Variants in MDGA2 observed in about 807,000 individuals in gnomAD.
MDGA2 encodes the protein MAM domain-containing glycosylphosphatidylinositol anchor protein 2.
In MDGA2, 40 loss-of-function variants were observed where a neutral mutation model predicts 117.8. The observed-to-expected ratio is 0.34, with a 90% confidence interval of 0.26 to 0.44. The LOEUF (loss-of-function observed/expected upper bound fraction) is 0.44, where lower values mean the gene tolerates loss of function less well. Among genes scored for constraint, MDGA2 ranks in the 20% least tolerant of loss-of-function variants. The pLI is 1.00. For synonymous variants in MDGA2, 452 were observed against 439.0 expected, an observed-to-expected ratio of 1.03 and a Z score of -0.37; for missense variants, 1,123 against 1,250.6, an observed-to-expected ratio of 0.90 and a Z score of 1.54.
At chr14:47,264,645 AT>A (rs1272327926) in intron 2 of MDGA2, among the ~76,000 whole-genome samples, 1 of 151,572 alleles carries the variant, frequency 6.6e-6, no homozygotes, top group African/African-American at 2.4e-5. Context: ...AATATTTGTG[AT>A]TTTTTTCTTT....
At chr14:47,578,263 G>A (rs1411258589) in intron 1 of MDGA2, among the ~76,000 whole-genome samples, 2 of 151,986 alleles carry the variant, frequency 1.3e-5, no homozygotes, top group South Asian at 2.1e-4. Context: ...GGGGGTGGGG[G>A]TGAGGGGAAG....
intron 14 of MDGA2, among the ~76,000 whole-genome samples, chr14:46,864,354 A>T (rs537945059): frequency 6.7e-6 from 1 of 150,310 alleles, no homozygotes; most frequent in Non-Finnish European, 1.5e-5. Flanking sequence ...AGTCAATCTA[A>T]TACTTCAAAC....
chr14:46,897,426 T>C (rs1287184735), intron 10 of MDGA2, among the ~76,000 whole-genome samples: 8 of 152,254 alleles, frequency 5.3e-5, no homozygotes, highest in Non-Finnish European at 1.0e-4. Context: ...ATTTGATATT[T>C]TGAATGGCAA....
intron 6 of MDGA2, among the ~76,000 whole-genome samples, chr14:47,065,102 G>C (rs1488858230): frequency 1.3e-5 from 2 of 152,096 alleles, no homozygotes; most frequent in Non-Finnish European, 1.5e-5. Flanking sequence ...AACCTTAAAA[G>C]GTACTTGTTT....
intron 1 of MDGA2, among the ~76,000 whole-genome samples, chr14:47,337,304 A>G (rs1890489721): frequency 6.6e-6 from 1 of 152,094 alleles, no homozygotes; most frequent in Admixed American, 6.6e-5. Flanking sequence ...GTAACAGCAC[A>G]GCTGCAAGAG....
intron 6 of MDGA2, among the ~76,000 whole-genome samples, chr14:47,068,415 A>T (rs867309888): frequency 0.044 from 6,337 of 144,530 alleles, 415 homozygotes; most frequent in African/African-American, 0.15. Context: ...TAAGAAAAAA[A>T]AAATATATAT....
At chr14:46,920,736 G>A (rs946366235) in intron 9 of MDGA2, among the ~76,000 whole-genome samples, 1 of 152,034 alleles carries the variant, frequency 6.6e-6, no homozygotes, top group African/African-American at 2.4e-5. Context: ...CTAAATTTGG[G>A]GAAAACTAAA....
At chr14:47,240,692 A>C (rs1446507233) in intron 2 of MDGA2, among the ~76,000 whole-genome samples, 5 of 151,934 alleles carry the variant, frequency 3.3e-5, no homozygotes, top group Non-Finnish European at 5.9e-5. Context: ...TGCATGTCTT[A>C]GAATATTGCA....
intron 1 of MDGA2, among the ~76,000 whole-genome samples, chr14:47,567,304 T>C (rs1171029527): frequency 6.6e-6 from 1 of 152,206 alleles, no homozygotes; most frequent in Non-Finnish European, 1.5e-5. Context: ...TGACAAAAAG[T>C]ATCTGTAATG....
chr14:47,151,144 T>G (rs1209786234), intron 3 of MDGA2, among the ~76,000 whole-genome samples: 4 of 152,080 alleles, frequency 2.6e-5, no homozygotes, highest in African/African-American at 9.7e-5. Context: ...AATCAACTCA[T>G]GTAGTAGTGT....
intron 1 of MDGA2, among the ~76,000 whole-genome samples, chr14:47,464,276 T>C (rs4900767): frequency 0.32 from 48,101 of 151,748 alleles, 8,109 homozygotes; most frequent in East Asian, 0.58. Flanking sequence ...AAATTCTCTT[T>C]CTCACAAGTA....
intron 1 of MDGA2, among the ~76,000 whole-genome samples, chr14:47,620,921 C>G (rs1223350850): frequency 6.6e-6 from 1 of 152,162 alleles, no homozygotes; most frequent in Non-Finnish European, 1.5e-5. Flanking sequence ...TATTTGTCAC[C>G]TGAAGTCCAA....
At chr14:47,521,249 GA>G (rs1894861178) in intron 1 of MDGA2, among the ~76,000 whole-genome samples, 1 of 152,102 alleles carries the variant, frequency 6.6e-6, no homozygotes, top group South Asian at 2.1e-4. Context: ...GGATGTGGGG[GA>G]TCAGTTTTTA....
At chr14:47,487,469 A>G (rs1894084512) in intron 1 of MDGA2, among the ~76,000 whole-genome samples, 1 of 152,244 alleles carries the variant, frequency 6.6e-6, no homozygotes, top group South Asian at 2.1e-4. Context: ...GTTGAATGAA[A>G]TAAAGTGAAA....
intron 5 of MDGA2, among the ~76,000 whole-genome samples, chr14:47,115,467 T>C (rs1881276997): frequency 1.3e-5 from 2 of 152,120 alleles, no homozygotes; most frequent in Middle Eastern, 3.4e-3. Flanking sequence ...TCTTAAATGT[T>C]TGTGTGAGAT....
At chr14:47,365,747 G>T (rs1275141329) in intron 1 of MDGA2, among the ~76,000 whole-genome samples, 1 of 152,176 alleles carries the variant, frequency 6.6e-6, no homozygotes, top group Non-Finnish European at 1.5e-5. Context: ...CGCAGTCTTA[G>T]CCTTCTCTTC....
At chr14:47,646,025 A>C (rs979391109) in intron 1 of MDGA2, among the ~76,000 whole-genome samples, 1 of 147,904 alleles carries the variant, frequency 6.8e-6, no homozygotes, top group African/African-American at 2.5e-5. Flanking sequence ...GCTTGCAGTG[A>C]GCTGAGATCC....
intron 1 of MDGA2, among the ~76,000 whole-genome samples, chr14:47,483,298 T>A (rs1055109609): frequency 6.6e-6 from 1 of 152,138 alleles, no homozygotes; most frequent in Non-Finnish European, 1.5e-5. Context: ...GTTCTTCCTC[T>A]TCCATTTCCA....
chr14:46,845,263 C>T (rs990071176), intron 16 of MDGA2, among the ~76,000 whole-genome samples: 5 of 152,184 alleles, frequency 3.3e-5, no homozygotes, highest in African/African-American at 9.7e-5. Flanking sequence ...TACTCTGCTT[C>T]CCCTTCACCT....
Sources: gnomAD v4.1 joint callset for allele counts (sites outside exome capture counted in the v4.1 genomes callset) on GRCh38, gnomAD v4.1.1 for gene constraint, MANE v1.5 for transcripts, NCBI Gene and HGNC (gene_info 2026-07-23, HGNC 2026-07-21) for gene names.